RANBP2: variants seen among roughly 807,000 people sequenced by gnomAD.
RANBP2 encodes the protein E3 SUMO-protein ligase RanBP2.
RANBP2 carries 57 observed loss-of-function variants against 303.6 expected under a neutral mutation model. That is an observed-to-expected ratio of 0.19 (90% CI 0.15 to 0.23). RANBP2 has a LOEUF of 0.23. RANBP2 is among the 10% of genes least tolerant of loss of function. The probability of loss-of-function intolerance (pLI) is 1.00; values close to 1 mark genes in which losing one functional copy is unlikely to be tolerated. For missense variants in RANBP2, 3,138 were observed against 3,780.8 expected, an observed-to-expected ratio of 0.83 and a Z score of 4.46; for synonymous variants, 1,167 against 1,301.5, an observed-to-expected ratio of 0.90 and a Z score of 2.23.
chr2:109,575,719 C>A, the RANBP2 span, among the ~76,000 whole-genome samples: 1 of 152,218 alleles, frequency 6.6e-6, no homozygotes, highest in Non-Finnish European at 1.5e-5. Flanking sequence ...AAACAGTTCC[C>A]ATGTCAAATT....
the RANBP2 span, among the ~76,000 whole-genome samples, chr2:109,424,345 C>T: frequency 9.7e-3 from 1,483 of 152,330 alleles, 24 homozygotes; most frequent in African/African-American, 0.03. Context: ...CCACTCATCG[C>T]CCTTCAGAGG....
chr2:109,129,451 C>G, the RANBP2 span: 190 of 1,493,438 alleles, frequency 1.3e-4, no homozygotes, highest in Non-Finnish European at 1.6e-4. Context: ...GAGCCCGGCT[C>G]CCCAGTCCTG....
the RANBP2 span, among the ~76,000 whole-genome samples, chr2:109,457,489 C>A: frequency 3.9e-5 from 6 of 152,246 alleles, no homozygotes; most frequent in East Asian, 1.2e-3. Context: ...CTGCCACCCT[C>A]CCCAAAGGGC....
rs373099348 is a variant in RANBP2 at position 108,767,432 on chromosome 2, A to T, written c.6893A>T (p.Asp2298Val). 31 of 1,611,814 alleles carry T rather than the reference A, an allele frequency of 1.9e-5. No homozygotes were observed. The highest frequency in any genetic ancestry group is 2.5e-5 in the Non-Finnish European group (30 of 1,179,844). ...GTSVGTDEES[D>V]VTQEEERDGQ... ...TCAGTTGGCACTGATGAAGAATCTGATGTTACTCAAGAAGAAGAGAGAGAT... is the reference window on the plus strand; with the variant it reads ...TCAGTTGGCACTGATGAAGAATCTGTTGTTACTCAAGAAGAAGAGAGAGAT... Residue 2298 changes from aspartate to valine, a missense_variant, in exon 20 of 29, where the codon GAT becomes GTT. Asp to Val is a radical substitution (Grantham distance 152). This residue lies in a region of RANBP2 where 72 missense variants were observed against 86.8 expected (regional missense o/e 0.83). Transcript: ENST00000283195.
chr2:109,439,052 C>A, the RANBP2 span, among the ~76,000 whole-genome samples: 1 of 152,132 alleles, frequency 6.6e-6, no homozygotes, highest in Non-Finnish European at 1.5e-5. Flanking sequence ...CTTTCCACAC[C>A]AAGCCTTGCT....
chr2:109,235,144 A>G, the RANBP2 span, among the ~76,000 whole-genome samples: 1 of 152,168 alleles, frequency 6.6e-6, no homozygotes, highest in Non-Finnish European at 1.5e-5. Flanking sequence ...CCCTGGGAAG[A>G]CTGTCTGGCC....
chr2:109,592,610 C>A, the RANBP2 span, among the ~76,000 whole-genome samples: 1 of 151,548 alleles, frequency 6.6e-6, no homozygotes, highest in Non-Finnish European at 1.5e-5. Flanking sequence ...GAAACCCCAT[C>A]TCTACTAAAA....
chr2:109,723,469 G>A, the RANBP2 span, among the ~76,000 whole-genome samples: 1 of 152,262 alleles, frequency 6.6e-6, no homozygotes, highest in South Asian at 2.1e-4. Flanking sequence ...CATTCTGACT[G>A]GAATAAGATG....
the RANBP2 span, among the ~76,000 whole-genome samples, chr2:109,763,608 T>C: frequency 6.7e-6 from 1 of 150,076 alleles, no homozygotes; most frequent in Non-Finnish European, 1.5e-5. Context: ...ATTAAAAATT[T>C]GAAAATAAAC....
chr2:109,266,456 A>G, the RANBP2 span, among the ~76,000 whole-genome samples: 10 of 152,170 alleles, frequency 6.6e-5, no homozygotes, highest in East Asian at 5.8e-4. Flanking sequence ...AGGGACACCT[A>G]TGTTTGGGAG....
chr2:109,034,905 G>C, the RANBP2 span, among the ~76,000 whole-genome samples: 1 of 152,184 alleles, frequency 6.6e-6, no homozygotes, highest in Non-Finnish European at 1.5e-5. Context: ...GGTATGAAAA[G>C]GGCATGGGAA....
In RANBP2 at chr2:108,752,072, T is replaced by A. The variant is rs1675928263; in HGVS notation, c.1755+78T>A. ...ATCATGAACTTTTTATTGAAAGTTT[T>A]TTTGTTCTGAAAACAGCAGCTTGGT... is the stretch of plus-strand genomic sequence containing the variant. On this transcript the variant is annotated intron_variant, in intron 12 of 28. Coordinates refer to ENST00000283195, the MANE Select transcript of RANBP2 (RefSeq NM_006267.5). 1.4e-5 allele frequency: 22 copies of A among 1,601,356 alleles called. No homozygotes were observed. In the Admixed American group the frequency reaches 3.5e-4, roughly 25 times the overall value.
chr2:109,655,023 C>G, the RANBP2 span, among the ~76,000 whole-genome samples: 1 of 151,972 alleles, frequency 6.6e-6, no homozygotes, highest in Admixed American at 6.6e-5. Context: ...CTGCCTCAGC[C>G]TCCCGAGTAG....
the RANBP2 span, among the ~76,000 whole-genome samples, chr2:109,717,285 A>C: frequency 4.0e-5 from 6 of 151,120 alleles, no homozygotes; most frequent in African/African-American, 1.2e-4. Flanking sequence ...AAAAAAAAAA[A>C]AAAAAACCCA....
chr2:109,015,400 A>C, the RANBP2 span, among the ~76,000 whole-genome samples: 190 of 152,232 alleles, frequency 1.2e-3, no homozygotes, highest in African/African-American at 4.6e-3. Flanking sequence ...AATTGTAATT[A>C]TATTTTCTCT....
At chr2:109,470,321 C>A in the RANBP2 span, among the ~76,000 whole-genome samples, 2 of 152,166 alleles carry the variant, frequency 1.3e-5, no homozygotes, top group African/African-American at 4.8e-5. Context: ...GCTTGCATTT[C>A]GGGTAGACTC....
At chr2:109,514,920 C>A in the RANBP2 span, among the ~76,000 whole-genome samples, 4 of 147,344 alleles carry the variant, frequency 2.7e-5, no homozygotes, top group Non-Finnish European at 6.0e-5. Flanking sequence ...TTCCCCCATG[C>A]CCCTCACACA....
the RANBP2 span, among the ~76,000 whole-genome samples, chr2:109,182,943 C>T: frequency 2.0e-4 from 30 of 152,262 alleles, no homozygotes; most frequent in East Asian, 5.6e-3. Context: ...GAATCTTTGA[C>T]ATTGGTGTCT....
rs1037682715 is a variant in RANBP2, at chr2:108,771,798, C to G, written c.7947C>G (p.Thr2649=). The change falls in exon 21 of 29, where the codon ACC becomes ACG. Residue 2649 remains threonine (T), a synonymous_variant. Coordinates refer to ENST00000283195, the MANE Select transcript of RANBP2 (RefSeq NM_006267.5). ...CCGCTGAGCAGAAAGCCCTTGCAAC[C>G]AAACTTAAACTTCCTCCAACTTTCT... The part of the protein sequence containing the change: ...TPTAEQKALA[T]KLKLPPTFFC... 7 of 1,613,896 alleles carry G rather than the reference C, an allele frequency of 4.3e-6. No individual in the cohort carries two copies. The highest frequency in any genetic ancestry group is 5.9e-6 in the Non-Finnish European group (7 of 1,179,958).
Sources: allele counts gnomAD v4.1 joint callset (sites outside exome capture counted in the v4.1 genomes callset), GRCh38; gene constraint gnomAD v4.1.1; regional missense constraint gnomAD v4.1.1; transcripts MANE v1.5; gene names NCBI Gene and HGNC (gene_info 2026-07-23, HGNC 2026-07-21).